Variants in DMXL1 observed in about 807,000 individuals in gnomAD.
The protein encoded by DMXL1 is Dmx like 1.
DMXL1 carries 99 observed loss-of-function variants against 319.2 expected under a neutral mutation model. The ratio of observed to expected loss-of-function variants is 0.31; its 90% CI spans 0.26 to 0.37. The LOEUF is 0.37. Ranked by LOEUF, DMXL1 falls within the 10% of genes least tolerant of loss-of-function variation. The pLI, the probability that DMXL1 is intolerant of heterozygous loss-of-function variation, is 1.00. For missense variants in DMXL1, 3,745 were observed against 3,595.6 expected, an observed-to-expected ratio of 1.04 and a Z score of -1.06; for synonymous variants, 1,385 against 1,235.2, an observed-to-expected ratio of 1.12 and a Z score of -2.54.
chr5:119,194,364 T>C (rs531110745), intron 30 of DMXL1, among the ~76,000 whole-genome samples: 27 of 152,346 alleles, frequency 1.8e-4, no homozygotes, highest in South Asian at 4.1e-4. Flanking sequence ...AGTAGAACAC[T>C]AGTACTATAA....
chr5:119,106,853 G>A (rs778426618), intron 4 of DMXL1, among the ~76,000 whole-genome samples: 2 of 152,174 alleles, frequency 1.3e-5, no homozygotes, highest in African/African-American at 4.8e-5. Context: ...TATGAAATGT[G>A]TTTAGGCAGT....
At position 119,221,023 on chromosome 5, in the gene DMXL1, G is replaced by A; in HGVS notation, c.8219G>A (p.Gly2740Asp). The change falls in exon 37 of 44, where the codon GGC (glycine) becomes GAC (aspartate). Residue 2740 changes from glycine (G) to aspartate (D), a missense_variant. By Grantham distance (94) the Gly-to-Asp change is moderately conservative. Around this residue, in one of 4 missense-constraint regions of DMXL1, gnomAD observed 1,382 missense variants for 1,269.5 expected, o/e 1.09. Transcript: ENST00000539542. ...ACTCCATATACACATAGCAATCCTG[G>A]CACTCCAATCAACATGCCATGGCTT... ...GTTPYTHSNP[G>D]TPINMPWLGS... The A allele has an allele frequency of 3.1e-6, 5 of 1,613,814 alleles. No individual in the cohort carries two copies. The highest frequency in any genetic ancestry group is 4.2e-6 in the Non-Finnish European group (5 of 1,179,836).
At position 119,072,425 on chromosome 5, in the gene DMXL1, A is replaced by G. The variant is rs117960365; in HGVS notation, c.87+769A>G. Among the ~76,000 whole-genome samples, 23 of 152,242 alleles carry G rather than the reference A, an allele frequency of 1.5e-4. No homozygotes were observed. In the East Asian group the frequency reaches 4.4e-3, roughly 29 times the overall value. ...TGCACATGATACTTTTATCTACATA[A>G]ATTTATAATGCTAATGATTTTTGCT... On this transcript the variant is annotated intron_variant, in intron 1 of 43. Coordinates refer to ENST00000539542, the MANE Select transcript of DMXL1 (RefSeq NM_001290321.3).
chr5:119,166,056 A>G (rs940037168), intron 21 of DMXL1, among the ~76,000 whole-genome samples: 1 of 152,232 alleles, frequency 6.6e-6, no homozygotes, highest in Non-Finnish European at 1.5e-5. Context: ...TCTGAGCTGA[A>G]TTCACTTAGA....
At chr5:119,086,332 G>A (rs1434255483) in intron 1 of DMXL1, among the ~76,000 whole-genome samples, 2 of 152,200 alleles carry the variant, frequency 1.3e-5, no homozygotes, top group Non-Finnish European at 2.9e-5. Context: ...TGAGATTTGG[G>A]TGGGGACACA....
intron 34 of DMXL1, among the ~76,000 whole-genome samples, chr5:119,214,632 G>A (rs974404557): frequency 3.9e-5 from 6 of 151,966 alleles, no homozygotes; most frequent in African/African-American, 9.7e-5. Context: ...CCACCCCCAT[G>A]ACATTCTGAT....
Position 119,147,237 on chromosome 5 carries a change from T to C in DMXL1, c.2690-12T>C. 6.2e-7 allele frequency: 1 copy of C among 1,607,044 alleles called. No individual in the cohort carries two copies. Among genetic ancestry groups the C allele is most frequent in the Non-Finnish European group, 8.5e-7 (1 of 1,175,646 alleles). On this transcript the variant is annotated splice_polypyrimidine_tract_variant and intron_variant, in intron 16 of 43. Coordinates refer to ENST00000539542, the MANE Select transcript of DMXL1 (RefSeq NM_001290321.3). ...CTGCCTCAGTTTTTGGTTCTTTTCTTATGTTTTGTAGATGAAAAAGTAGAT... is the reference window on the plus strand; with the variant it reads ...CTGCCTCAGTTTTTGGTTCTTTTCTCATGTTTTGTAGATGAAAAAGTAGAT...
In DMXL1 at chr5:119,216,558, A is replaced by G. The variant is rs1783738847; in HGVS notation, c.7927-343A>G. On this transcript the variant is annotated intron_variant, in intron 34 of 43. Transcript: ENST00000539542. ...TAAATTTTAAAAAATAATATGAAAG[A>G]ATTATAATGCTAGGAAACTTGGTAA... Among the ~76,000 whole-genome samples, 4 of 152,296 alleles carry G rather than the reference A, an allele frequency of 2.6e-5. 1 individual carries two copies. The South Asian group carries it at 8.3e-4, about 32-fold the overall frequency.
In DMXL1 at chr5:119,167,859, A is replaced by G; in HGVS notation, c.5393A>G (p.Asn1798Ser). Residue 1798 changes from asparagine to serine, a missense_variant, in exon 23 of 44, where the codon AAT (asparagine) becomes AGT (serine). Around this residue, in one of 4 missense-constraint regions of DMXL1, gnomAD observed 1,382 missense variants for 1,269.5 expected, o/e 1.09. Coordinates refer to ENST00000539542, the MANE Select transcript of DMXL1 (RefSeq NM_001290321.3). ...ETLIKQPIRE[N>S]DDQVLSASNP... is the part of the protein sequence containing the mutation. ...TTAATAAAGCAACCTATCAGAGAGA[A>G]TGATGGTAAGCTGCACTTCTAAGAT... is the stretch of plus-strand genomic sequence containing the variant. 1 of 1,611,000 alleles carries G rather than the reference A, an allele frequency of 6.2e-7. No individual in the cohort carries two copies. Among genetic ancestry groups the G allele is most frequent in the Non-Finnish European group, 8.5e-7 (1 of 1,179,208 alleles).
chr5:119,088,062 A>G (rs1455432173), intron 1 of DMXL1, among the ~76,000 whole-genome samples: 6 of 152,172 alleles, frequency 3.9e-5, no homozygotes, highest in African/African-American at 1.4e-4. Flanking sequence ...TCCGCCTCCC[A>G]AAGTGCTGGG....
chr5:119,138,137 A>G (rs1439614797), intron 13 of DMXL1, among the ~76,000 whole-genome samples: 1 of 152,230 alleles, frequency 6.6e-6, no homozygotes, highest in East Asian at 1.9e-4. Flanking sequence ...GGAGAGGGAA[A>G]AAAGGAGCTT....
At chr5:119,126,880 A>C (rs1034120874) in intron 9 of DMXL1, 15 of 164,210 alleles carry the variant, frequency 9.1e-5, no homozygotes, top group Non-Finnish European at 1.4e-5. Flanking sequence ...TTTTTCCTCT[A>C]ATTCTTTGTG....
At chr5:119,183,712 G>T (rs1777185845) in intron 28 of DMXL1, among the ~76,000 whole-genome samples, 1 of 152,122 alleles carries the variant, frequency 6.6e-6, no homozygotes, top group Non-Finnish European at 1.5e-5. Context: ...GCCTGCCCTG[G>T]CCTCCTAAAG....
At chr5:119,075,241 CTT>C (rs201088042) in intron 1 of DMXL1, among the ~76,000 whole-genome samples, 84 of 122,624 alleles carry the variant, frequency 6.9e-4, no homozygotes, top group East Asian at 2.2e-3. Context: ...CTTTTTTTTT[CTT>C]TTTTTTTTTT....
intron 9 of DMXL1, chr5:119,128,052 T>C: frequency 2.3e-6 from 1 of 440,708 alleles, no homozygotes; most frequent in Non-Finnish European, 4.5e-6. Context: ...GTCCTCAATT[T>C]ACTATCAGTG....
chr5:119,244,671 A>T, intron 43 of DMXL1, 95 bp downstream of exon 43: 2 of 823,682 alleles, frequency 2.4e-6, no homozygotes, highest in Non-Finnish European at 3.8e-6. Context: ...TTTAAATAAT[A>T]GTTATATTAA....
intron 1 of DMXL1, among the ~76,000 whole-genome samples, chr5:119,075,510 A>AT (rs1266765302): frequency 6.6e-6 from 1 of 152,070 alleles, no homozygotes; most frequent in African/African-American, 2.4e-5. Flanking sequence ...ACGTACTGGG[A>AT]TTACAGGCGT....
At chr5:119,180,419 G>A (rs1283021748) in intron 28 of DMXL1, among the ~76,000 whole-genome samples, 1 of 151,838 alleles carries the variant, frequency 6.6e-6, no homozygotes, top group Non-Finnish European at 1.5e-5. Context: ...ATACCATCCT[G>A]CCTATTACTC....
intron 30 of DMXL1, among the ~76,000 whole-genome samples, chr5:119,195,228 A>T (rs1779404561): frequency 1.3e-5 from 2 of 152,254 alleles, no homozygotes; most frequent in Admixed American, 1.3e-4. Context: ...CATATGATCC[A>T]GCATTTCCAC....
Sources: allele counts gnomAD v4.1 joint callset (sites outside exome capture counted in the v4.1 genomes callset), GRCh38; gene constraint gnomAD v4.1.1; regional missense constraint gnomAD v4.1.1; transcripts MANE v1.5; gene names NCBI Gene and HGNC (gene_info 2026-07-23, HGNC 2026-07-21).